The following GRXCR2 variants were observed in gnomAD, a reference collection of about 807,000 sequenced individuals.
GRXCR2 encodes glutaredoxin domain-containing cysteine-rich protein 2.
A neutral mutation model predicts 24.8 loss-of-function variants in GRXCR2; 23 were observed. The observed-to-expected ratio is 0.93, with a 90% CI of 0.67 to 1.32. The LOEUF (loss-of-function observed/expected upper bound fraction) is 1.32. Ranked by LOEUF, GRXCR2 falls within the 40% of genes most tolerant of loss-of-function variation. The pLI is 0.00. For synonymous variants in GRXCR2, 130 were observed against 116.1 expected (o/e 1.12, Z -0.77); for missense variants, 315 against 303.4 (o/e 1.04, Z -0.28).
chr5:145,883,262 A>G (rs1756730014), intron 2 of GRXCR2, among the ~76,000 whole-genome samples: 1 of 152,140 alleles, frequency 6.6e-6, no homozygotes, highest in South Asian at 2.1e-4. Flanking sequence ...TAAAAGGGAG[A>G]TTAAGGGTGA....
chr5:145,894,576 A>G lies in GRXCR2; in HGVS notation c.-69-27848T>C, dbSNP rs533479681. On this transcript the variant is annotated intron_variant, in intron 2 of 3. Transcript: ENST00000639411. Reference sequence around the variant, plus strand: ...TGGACACATACACCCTCCCAAGAATAAACCAGGAAGAAGTTCAATCTCTGA... The same window carrying G: ...TGGACACATACACCCTCCCAAGAATGAACCAGGAAGAAGTTCAATCTCTGA... Among the ~76,000 whole-genome samples, 34 of 152,356 alleles carry G rather than the reference A, an allele frequency of 2.2e-4. 1 individual carries two copies. The East Asian group carries it at 5.6e-3, about 25-fold the overall frequency.
chr5:145,913,434 G>T (rs980156539), intron 2 of GRXCR2, among the ~76,000 whole-genome samples: 1 of 152,054 alleles, frequency 6.6e-6, no homozygotes, highest in Non-Finnish European at 1.5e-5. Context: ...TCAAAAAAAC[G>T]GGGTGGGAAG....
At chr5:145,880,716 G>A (rs1351077713) in intron 2 of GRXCR2, among the ~76,000 whole-genome samples, 1 of 152,160 alleles carries the variant, frequency 6.6e-6, no homozygotes, top group Non-Finnish European at 1.5e-5. Flanking sequence ...GGCTGGCAGA[G>A]ACACAACAAG....
intron 2 of GRXCR2, among the ~76,000 whole-genome samples, chr5:145,922,986 T>C (rs757396020): frequency 6.6e-6 from 1 of 152,210 alleles, no homozygotes; most frequent in African/African-American, 2.4e-5. Flanking sequence ...ATGTATAAAA[T>C]AGACAGTTCT....
At chr5:145,897,247 TTACATACATACA>T (rs67092971) in intron 2 of GRXCR2, among the ~76,000 whole-genome samples, 2,427 of 145,900 alleles carry the variant, frequency 0.017, 73 homozygotes, top group African/African-American at 0.056. Context: ...CTGTTGTTTG[TTACATACATACA>T]TACATACATA....
chr5:145,929,113 A>C (rs1052640466), intron 2 of GRXCR2, among the ~76,000 whole-genome samples: 1 of 149,794 alleles, frequency 6.7e-6, no homozygotes, highest in Non-Finnish European at 1.5e-5. Context: ...CATATAACTT[A>C]AGTTTCAATA....
intron 2 of GRXCR2, among the ~76,000 whole-genome samples, chr5:145,862,119 G>A (rs1046646932): frequency 1.9e-4 from 29 of 152,286 alleles, no homozygotes; most frequent in African/African-American, 5.5e-4. Context: ...TAGGTTTTAT[G>A]TTTTGTACTT....
chr5:145,903,323 A>T (rs1032979667), intron 2 of GRXCR2, among the ~76,000 whole-genome samples: 1 of 152,198 alleles, frequency 6.6e-6, no homozygotes, highest in Middle Eastern at 3.2e-3. Flanking sequence ...GGCTGAAGAC[A>T]GGTAGTGCAG....
At chr5:145,924,194 A>G (rs765362202) in intron 2 of GRXCR2, among the ~76,000 whole-genome samples, 2 of 152,190 alleles carry the variant, frequency 1.3e-5, no homozygotes, top group Non-Finnish European at 2.9e-5. Context: ...CAAAGGCAAT[A>G]TCTCAAATGG....
Position 145,923,246 on chromosome 5 carries a change from T to C in GRXCR2, c.-70+12455A>G, listed in dbSNP as rs528901058. ...ACACTTGAGAACTGTCTACTTTACA[T>C]ATAATAAGTGTCATACCCTGATATT... On this transcript the variant is annotated intron_variant, in intron 2 of 3. Coordinates refer to the GRXCR2 transcript ENST00000639411. 4.6e-5 allele frequency among the ~76,000 whole-genome samples: 7 copies of C among 152,332 alleles called. No homozygotes were observed. The East Asian group carries it at 1.2e-3, about 25-fold the overall frequency.
At chr5:145,896,047 A>C (rs1296594643) in intron 2 of GRXCR2, among the ~76,000 whole-genome samples, 3 of 152,242 alleles carry the variant, frequency 2.0e-5, no homozygotes, top group Non-Finnish European at 4.4e-5. Flanking sequence ...TTCCCTATTT[A>C]ATAAATGGTG....
intron 2 of GRXCR2, among the ~76,000 whole-genome samples, chr5:145,922,151 C>G (rs900715221): frequency 6.6e-6 from 1 of 152,172 alleles, no homozygotes; most frequent in Non-Finnish European, 1.5e-5. Context: ...TGCCCATACT[C>G]CAGCCCCAAA....
chr5:145,872,114 A>C (rs1756540728), intron 1 of GRXCR2, among the ~76,000 whole-genome samples: 1 of 152,208 alleles, frequency 6.6e-6, no homozygotes, highest in Non-Finnish European at 1.5e-5. Context: ...CAGGACTCCA[A>C]CTACCCAGAG....
intron 2 of GRXCR2, among the ~76,000 whole-genome samples, chr5:145,923,029 C>T (rs1757347039): frequency 6.6e-6 from 1 of 152,212 alleles, no homozygotes; most frequent in Admixed American, 6.5e-5. Flanking sequence ...ACATCAGTGC[C>T]ACCCGGAAAC....
In GRXCR2 at chr5:145,889,182, AAG is replaced by A. The variant is rs1254496268; in HGVS notation, c.-69-22456_-69-22455del. Among the ~76,000 whole-genome samples the A allele has an allele frequency of 1.6e-3, 184 of 118,630 alleles. 1 individual carries two copies. Among genetic ancestry groups the A allele is most frequent in the Middle Eastern group, 4.0e-3 (1 of 250 alleles). The allele number at this position is 118,630 out of a possible 152,430, so 77.8% of individuals were successfully genotyped here. ...AGACTCTGTCTCAAAAAAAGAAAGA[AAG>A]AAAGAAAGAAAGAAAGAAAGAAAGA... On this transcript the variant is annotated intron_variant, in intron 2 of 3. Transcript: ENST00000639411.
intron 2 of GRXCR2, among the ~76,000 whole-genome samples, chr5:145,895,781 CT>C (rs1228038766): frequency 6.6e-6 from 1 of 152,188 alleles, no homozygotes; most frequent in East Asian, 1.9e-4. Context: ...GAAAAAACTA[CT>C]TTAAAGTTCG....
chr5:145,918,408 A>C (rs970456), intron 2 of GRXCR2, among the ~76,000 whole-genome samples: 33,316 of 152,032 alleles, frequency 0.22, 4,131 homozygotes, highest in Admixed American at 0.33. Context: ...GCCAAAGATC[A>C]TTGCTATCCC....
chr5:145,875,355 C>G (rs974779666), upstream of GRXCR2, among the ~76,000 whole-genome samples: 2 of 152,270 alleles, frequency 1.3e-5, no homozygotes, highest in South Asian at 4.1e-4. Context: ...TTAAGACCAT[C>G]CTGGCCAACA....
intron 1 of GRXCR2, among the ~76,000 whole-genome samples, chr5:145,869,067 A>G (rs1292803116): frequency 6.6e-6 from 1 of 152,220 alleles, no homozygotes; most frequent in South Asian, 2.1e-4. Flanking sequence ...ATAACTAGAG[A>G]TTATTGATCA....
Sources: allele counts gnomAD v4.1 joint callset (sites outside exome capture counted in the v4.1 genomes callset), GRCh38; gene constraint gnomAD v4.1.1; transcripts MANE v1.5; gene names NCBI Gene and HGNC (gene_info 2026-07-23, HGNC 2026-07-21).